CPA6: variants seen among roughly 807,000 people sequenced by gnomAD.
CPA6 encodes carboxypeptidase B.
In CPA6, 58 loss-of-function variants were observed where a neutral mutation model predicts 63.3. The observed-to-expected ratio is 0.92, with a 90% CI of 0.74 to 1.14. CPA6 has a LOEUF of 1.14. Ranked by LOEUF, CPA6 falls within the 50% of genes most tolerant of loss-of-function variation. The pLI is 0.00. For missense variants in CPA6, 565 were observed against 526.6 expected (o/e 1.07, Z -0.71); for synonymous variants, 185 against 179.0 (o/e 1.03, Z -0.27).
At chr8:67,725,100 C>T (rs1037544453) in intron 1 of CPA6, among the ~76,000 whole-genome samples, 1 of 152,134 alleles carries the variant, frequency 6.6e-6, no homozygotes, top group African/African-American at 2.4e-5. Context: ...GTGTAGAGTG[C>T]TTAGCATGGT....
Position 67,681,501 on chromosome 8 carries a change from G to A in CPA6, c.117-57250C>T, listed in dbSNP as rs185085319. Among the ~76,000 whole-genome samples, 3 of 152,116 alleles carry A rather than the reference G, an allele frequency of 2.0e-5. No individual in the cohort carries two copies. The East Asian group carries it at 5.8e-4, about 29-fold the overall frequency. On this transcript the variant is annotated intron_variant, in intron 1 of 10. Transcript: ENST00000297770. ...TGGGATTACAGGCGTGAGCCACCGC[G>A]CCCGGCCAAAGATTTTCTTTAATGT...
chr8:67,525,533 G>A (rs893553502), intron 2 of CPA6, among the ~76,000 whole-genome samples: 2 of 152,160 alleles, frequency 1.3e-5, no homozygotes, highest in Non-Finnish European at 1.5e-5. Context: ...AGAAGTTCTG[G>A]TAAAACTCTA....
chr8:67,544,733 G>A lies in CPA6; in HGVS notation c.193-26686C>T, dbSNP rs534040454. On this transcript the variant is annotated intron_variant, in intron 2 of 10. Coordinates refer to ENST00000297770, the MANE Select transcript of CPA6 (RefSeq NM_020361.5). ...TTGATGTGGATTGCAGATGTAATTCGCTGCTTCTGCCATATATATATCTTT... is the reference window on the plus strand; with the variant it reads ...TTGATGTGGATTGCAGATGTAATTCACTGCTTCTGCCATATATATATCTTT... 2.0e-5 allele frequency among the ~76,000 whole-genome samples: 3 copies of A among 152,150 alleles called. No homozygotes were observed. The East Asian group carries it at 5.8e-4, about 29-fold the overall frequency.
chr8:67,713,472 C>T (rs865934407), intron 1 of CPA6, among the ~76,000 whole-genome samples: 1 of 152,112 alleles, frequency 6.6e-6, no homozygotes, highest in Middle Eastern at 3.4e-3. Flanking sequence ...TACCATTGGC[C>T]CTAACAAGCG....
At chr8:67,570,908 A>G (rs569830425) in intron 2 of CPA6, among the ~76,000 whole-genome samples, 3 of 152,316 alleles carry the variant, frequency 2.0e-5, no homozygotes, top group Non-Finnish European at 4.4e-5. Context: ...GAGTGAATGA[A>G]TGGATAAAGA....
At chr8:67,625,716 T>C (rs1253158701) in intron 1 of CPA6, among the ~76,000 whole-genome samples, 1 of 152,154 alleles carries the variant, frequency 6.6e-6, no homozygotes, top group Non-Finnish European at 1.5e-5. Flanking sequence ...TTTACAATGA[T>C]TAAAGATAAG....
intron 7 of CPA6, 68 bp from the exon 8 acceptor site, chr8:67,483,926 G>A: frequency 2.4e-6 from 3 of 1,254,362 alleles, no homozygotes; most frequent in Non-Finnish European, 3.5e-6. Flanking sequence ...CATTTTAATA[G>A]CTCAATCAAT....
intron 8 of CPA6, among the ~76,000 whole-genome samples, chr8:67,472,375 T>TATTTTATTTA (rs1811079380): frequency 1.5e-5 from 1 of 68,906 alleles, no homozygotes; most frequent in African/African-American, 5.2e-5. Flanking sequence ...AAGATTTATT[T>TATTTTATTTA]TTTTATTTTA....
intron 1 of CPA6, among the ~76,000 whole-genome samples, chr8:67,699,854 G>A (rs552026842): frequency 1.3e-5 from 2 of 152,280 alleles, no homozygotes; most frequent in Non-Finnish European, 1.5e-5. Context: ...CTCCCAGAGC[G>A]TTAGGATTAC....
At chr8:67,526,812 A>G (rs1812373278) in intron 2 of CPA6, among the ~76,000 whole-genome samples, 1 of 152,194 alleles carries the variant, frequency 6.6e-6, no homozygotes, top group Non-Finnish European at 1.5e-5. Context: ...TTCATATAAA[A>G]GAGCCAATAC....
chr8:67,689,274 C>CAA (rs145407385), intron 1 of CPA6, among the ~76,000 whole-genome samples: 1 of 151,348 alleles, frequency 6.6e-6, no homozygotes, highest in Admixed American at 6.6e-5. Flanking sequence ...ACTTCTTCTT[C>CAA]AAAAAAATTC....
rs140289608 is a variant in CPA6, at chr8:67,478,881, C to T, written c.838+4887G>A. Among the ~76,000 whole-genome samples the T allele has an allele frequency of 2.5e-3, 382 of 152,058 alleles. 2 individuals are homozygous for T. Among genetic ancestry groups the T allele is most frequent in the African/African-American group, 8.7e-3 (360 of 41,506 alleles). ...TCTACTAAAAATACAAAAATTAGCC[C>T]GGCGTGGTGGTGGGTGCCTGTAATC... is the stretch of plus-strand genomic sequence containing the variant. On this transcript the variant is annotated intron_variant, in intron 8 of 10. Coordinates refer to ENST00000297770, the MANE Select transcript of CPA6 (RefSeq NM_020361.5).
At chr8:67,475,751 C>T (rs1482332107) in intron 8 of CPA6, among the ~76,000 whole-genome samples, 12 of 146,748 alleles carry the variant, frequency 8.2e-5, no homozygotes, top group Non-Finnish European at 1.4e-4. Flanking sequence ...TTCCTTCTTT[C>T]TTTTTTTCTT....
chr8:67,448,639 G>GAAAAAAAAAAAAAAAAAAAA (rs61317091), intron 8 of CPA6, among the ~76,000 whole-genome samples: 8 of 23,288 alleles, frequency 3.4e-4, no homozygotes, highest in Non-Finnish European at 6.1e-4. Flanking sequence ...CTCAAAAAAG[G>GAAAAAAAAAAAAAAAAAAAA]AAAAAAAAAA....
chr8:67,488,175 T>C (rs1046565646), intron 6 of CPA6, among the ~76,000 whole-genome samples: 2 of 152,254 alleles, frequency 1.3e-5, no homozygotes, highest in Non-Finnish European at 2.9e-5. Context: ...CTAGGGTTTT[T>C]ATGGTTTTAG....
intron 1 of CPA6, among the ~76,000 whole-genome samples, chr8:67,725,426 A>G (rs1418302942): frequency 6.6e-6 from 1 of 152,196 alleles, no homozygotes; most frequent in Non-Finnish European, 1.5e-5. Context: ...CATCACCTCC[A>G]TTTTCAAAAC....
intron 2 of CPA6, among the ~76,000 whole-genome samples, chr8:67,527,585 T>C (rs1297726692): frequency 6.6e-6 from 1 of 152,260 alleles, no homozygotes; most frequent in East Asian, 1.9e-4. Flanking sequence ...CTAGACTTAA[T>C]GTGCTTTTTT....
At chr8:67,742,743 A>T (rs1817935856) in intron 1 of CPA6, among the ~76,000 whole-genome samples, 1 of 152,202 alleles carries the variant, frequency 6.6e-6, no homozygotes, top group African/African-American at 2.4e-5. Flanking sequence ...CTTGTCTAAG[A>T]TAACAGAGCT....
chr8:67,454,520 T>A (rs753458111), intron 8 of CPA6, among the ~76,000 whole-genome samples: 4 of 152,226 alleles, frequency 2.6e-5, no homozygotes, highest in Non-Finnish European at 5.9e-5. Flanking sequence ...AATAGACTTC[T>A]TCTAGGAGAA....
Sources: gnomAD v4.1 joint callset for allele counts (sites outside exome capture counted in the v4.1 genomes callset) on GRCh38, gnomAD v4.1.1 for gene constraint, MANE v1.5 for transcripts, NCBI Gene and HGNC (gene_info 2026-07-23, HGNC 2026-07-21) for gene names.